CALN1: variants seen among roughly 807,000 people sequenced by gnomAD.
The protein encoded by CALN1 is calcium-binding protein 8.
Under a neutral mutation model 30.6 loss-of-function variants are expected in CALN1, and 17 were observed. The observed-to-expected ratio is 0.56, with a 90% CI of 0.38 to 0.83. The LOEUF (loss-of-function observed/expected upper bound fraction) is 0.83. Ranked by LOEUF, CALN1 falls within the 40% of genes least tolerant of loss-of-function variation. CALN1 has a pLI of 0.00. For synonymous variants in CALN1, 156 were observed against 131.4 expected (o/e 1.19, Z -1.28); for missense variants, 291 against 354.9 (o/e 0.82, Z 1.45).
At chr7:72,078,031 G>A (rs1021186086) in intron 4 of CALN1, among the ~76,000 whole-genome samples, 1 of 152,192 alleles carries the variant, frequency 6.6e-6, no homozygotes, top group Non-Finnish European at 1.5e-5. Context: ...GGAAGGTACA[G>A]TTGCCATAGC....
At chr7:72,269,858 G>A (rs1167553836) in intron 3 of CALN1, among the ~76,000 whole-genome samples, 1 of 152,172 alleles carries the variant, frequency 6.6e-6, no homozygotes, top group Non-Finnish European at 1.5e-5. Context: ...CCAATCCCAG[G>A]ATGGCCTAGA....
At chr7:71,972,501 C>G (rs957942493) in intron 5 of CALN1, among the ~76,000 whole-genome samples, 2 of 152,084 alleles carry the variant, frequency 1.3e-5, no homozygotes, top group African/African-American at 4.8e-5. Flanking sequence ...TACTTCCACA[C>G]AGGCAGAAAG....
intron 2 of CALN1, among the ~76,000 whole-genome samples, chr7:72,348,050 G>C (rs1802736586): frequency 6.6e-6 from 1 of 152,082 alleles, no homozygotes; most frequent in South Asian, 2.1e-4. Flanking sequence ...AAAATTGCTT[G>C]AACCTAGGAA....
rs115025945 is a variant in CALN1 at position 71,893,709 on chromosome 7, A to T, written c.502-83217T>A. Among the ~76,000 whole-genome samples, 412 of 152,032 alleles carry T rather than the reference A, an allele frequency of 2.7e-3. 2 individuals are homozygous for T. Among genetic ancestry groups the T allele is most frequent in the African/African-American group, 9.2e-3 (382 of 41,478 alleles). On this transcript the variant is annotated intron_variant, in intron 5 of 6. Transcript: ENST00000395275. ...CTGTCTTGAATACAAAGAAAAAAAA[A>T]AAAGAATAAGGTGCTTCTGCAAACT...
the CALN1 span, among the ~76,000 whole-genome samples, chr7:72,480,703 T>C: frequency 1.3e-5 from 2 of 152,200 alleles, no homozygotes; most frequent in South Asian, 4.1e-4. Flanking sequence ...ATTCAATTTC[T>C]TCACTAGACA....
intron 3 of CALN1, among the ~76,000 whole-genome samples, chr7:72,270,725 T>C (rs1455730592): frequency 1.3e-5 from 2 of 152,164 alleles, no homozygotes; most frequent in African/African-American, 4.8e-5. Context: ...CAGTGAGCCA[T>C]GTTTGTGCCA....
At chr7:72,146,666 T>C (rs1171051541) in intron 3 of CALN1, among the ~76,000 whole-genome samples, 2 of 152,052 alleles carry the variant, frequency 1.3e-5, no homozygotes, top group Non-Finnish European at 2.9e-5. Flanking sequence ...GCCAAGTCAA[T>C]CCTAACTCAA....
At chr7:72,208,054 T>A (rs552650218) in intron 3 of CALN1, among the ~76,000 whole-genome samples, 10 of 152,280 alleles carry the variant, frequency 6.6e-5, no homozygotes, top group Admixed American at 4.6e-4. Flanking sequence ...AATCAACCAA[T>A]AAAACAGAGA....
chr7:72,341,757 A>C (rs1562906374), intron 2 of CALN1, among the ~76,000 whole-genome samples: 1 of 152,208 alleles, frequency 6.6e-6, no homozygotes, highest in East Asian at 1.9e-4. Flanking sequence ...CTATTCCATA[A>C]GGCTTTGAGA....
At chr7:72,204,181 G>A (rs1177063200) in intron 3 of CALN1, among the ~76,000 whole-genome samples, 2 of 146,162 alleles carry the variant, frequency 1.4e-5, no homozygotes, top group African/African-American at 5.1e-5. Flanking sequence ...ATTTTTATTA[G>A]AGACGGGGTT....
intron 3 of CALN1, among the ~76,000 whole-genome samples, chr7:72,265,851 A>G (rs1548422): frequency 0.059 from 8,930 of 152,028 alleles, 327 homozygotes; most frequent in Middle Eastern, 0.12. Context: ...TAAACTACAA[A>G]GGCTGGGCGC....
At chr7:72,400,680 G>C (rs537513229) in intron 2 of CALN1, among the ~76,000 whole-genome samples, 87 of 152,290 alleles carry the variant, frequency 5.7e-4, no homozygotes, top group African/African-American at 1.9e-3. Context: ...GACCAGCCTG[G>C]TCAACATGGT....
At chr7:72,405,944 G>A (rs1806666674) in intron 1 of CALN1, among the ~76,000 whole-genome samples, 2 of 152,168 alleles carry the variant, frequency 1.3e-5, no homozygotes, top group Non-Finnish European at 1.5e-5. Context: ...GGGAGCTGAT[G>A]GTCGCCAGGC....
At chr7:72,373,810 A>G (rs1173246705) in intron 2 of CALN1, among the ~76,000 whole-genome samples, 1 of 152,248 alleles carries the variant, frequency 6.6e-6, no homozygotes, top group African/African-American at 2.4e-5. Context: ...AGAAACTCAC[A>G]TGAAGACACA....
chr7:71,852,898 C>T (rs1482243061), intron 5 of CALN1, among the ~76,000 whole-genome samples: 2 of 152,104 alleles, frequency 1.3e-5, no homozygotes, highest in Non-Finnish European at 2.9e-5. Flanking sequence ...ACAACCTTTA[C>T]AGGATTGTTT....
At chr7:72,399,644 C>G (rs1282771583) in intron 2 of CALN1, among the ~76,000 whole-genome samples, 16 of 152,096 alleles carry the variant, frequency 1.1e-4, no homozygotes. Flanking sequence ...TAAAAAGCTC[C>G]AACTTAAGCC....
intron 6 of CALN1, among the ~76,000 whole-genome samples, chr7:71,790,404 G>GA (rs71092909): frequency 0.28 from 33,683 of 122,316 alleles, 5,101 homozygotes; most frequent in East Asian, 0.44. Context: ...AAGAAAGAAA[G>GA]AAAGAAAGAA....
intron 3 of CALN1, among the ~76,000 whole-genome samples, chr7:72,183,572 A>G (rs560141589): frequency 3.9e-4 from 60 of 152,350 alleles, no homozygotes; most frequent in Non-Finnish European, 6.8e-4. Flanking sequence ...TTCTGAGTGT[A>G]AACAGGAAGT....
chr7:71,986,462 C>G (rs1798678596), intron 5 of CALN1, among the ~76,000 whole-genome samples: 1 of 152,236 alleles, frequency 6.6e-6, no homozygotes, highest in Non-Finnish European at 1.5e-5. Context: ...ATATTCTCAA[C>G]ACGCACAGTG....
Sources: gnomAD v4.1 joint callset for allele counts (sites outside exome capture counted in the v4.1 genomes callset) on GRCh38, gnomAD v4.1.1 for gene constraint, MANE v1.5 for transcripts, NCBI Gene and HGNC (gene_info 2026-07-23, HGNC 2026-07-21) for gene names.